PALM2AKAP2: variants seen among roughly 807,000 people sequenced by gnomAD.
PALM2AKAP2 encodes PALM2 and AKAP2 fusion.
Under a neutral mutation model 71.5 loss-of-function variants are expected in PALM2AKAP2, and 37 were observed. The observed-to-expected ratio is 0.52, with a 90% CI of 0.40 to 0.68. The LOEUF (loss-of-function observed/expected upper bound fraction) is 0.68, where lower values mean the gene tolerates loss of function less well. PALM2AKAP2 is among the 30% of genes least tolerant of loss of function. PALM2AKAP2 has a pLI of 0.00. For synonymous variants in PALM2AKAP2, 468 were observed against 478.8 expected, an observed-to-expected ratio of 0.98 and a Z score of 0.29; for missense variants, 1,224 against 1,191.8, an observed-to-expected ratio of 1.03 and a Z score of -0.40.
At chr9:110,163,310 A>G (rs1836649912) in intron 3 of PALM2AKAP2, among the ~76,000 whole-genome samples, 1 of 152,202 alleles carries the variant, frequency 6.6e-6, no homozygotes, top group East Asian at 1.9e-4. Context: ...ACAGCAGTCA[A>G]CAAAACAAGT....
chr9:109,959,008 T>A (rs1831800629), intron 6 of PALM2AKAP2, among the ~76,000 whole-genome samples: 1 of 152,198 alleles, frequency 6.6e-6, no homozygotes, highest in Non-Finnish European at 1.5e-5. Context: ...TTGCCTGCCA[T>A]CTTTGTGCCC....
At chr9:109,681,830 G>A (rs139117280) in intron 1 of PALM2AKAP2, among the ~76,000 whole-genome samples, 71 of 152,206 alleles carry the variant, frequency 4.7e-4, no homozygotes, top group African/African-American at 1.7e-3. Flanking sequence ...CCTCTGAGAA[G>A]ACCATTATGA....
At chr9:109,647,202 A>G (rs554151467) in intron 1 of PALM2AKAP2, among the ~76,000 whole-genome samples, 2 of 152,252 alleles carry the variant, frequency 1.3e-5, no homozygotes, top group African/African-American at 4.8e-5. Context: ...TTTCCACTTC[A>G]TATTATATTC....
At chr9:109,865,283 T>C (rs1052661307) in intron 1 of PALM2AKAP2, among the ~76,000 whole-genome samples, 1 of 151,818 alleles carries the variant, frequency 6.6e-6, no homozygotes, top group East Asian at 1.9e-4. Flanking sequence ...ATTTTTAGTA[T>C]AGATGGGGTT....
At chr9:109,761,595 C>A (rs4515617) in intron 1 of PALM2AKAP2, among the ~76,000 whole-genome samples, 129,875 of 152,172 alleles carry the variant, frequency 0.85, 55,840 homozygotes, top group African/African-American at 0.96. Context: ...TCATTGTTCA[C>A]CTCCCACTTA....
At chr9:110,074,741 G>T (rs146659187) in intron 1 of PALM2AKAP2, among the ~76,000 whole-genome samples, 3 of 152,114 alleles carry the variant, frequency 2.0e-5, no homozygotes, top group Non-Finnish European at 4.4e-5. Context: ...GGTGGTTCAC[G>T]CCCGTAATCC....
At chr9:109,784,993 G>A (rs1010396676) in intron 1 of PALM2AKAP2, among the ~76,000 whole-genome samples, 8 of 152,226 alleles carry the variant, frequency 5.3e-5, no homozygotes, top group African/African-American at 1.9e-4. Context: ...TGGGGAAGAA[G>A]CTGTTGTGTC....
At chr9:109,687,282 A>G (rs1352957524) in intron 1 of PALM2AKAP2, among the ~76,000 whole-genome samples, 1 of 152,140 alleles carries the variant, frequency 6.6e-6, no homozygotes, top group African/African-American at 2.4e-5. Context: ...TCATGCATTG[A>G]CTTCTCCTCT....
At chr9:110,011,115 C>A (rs1464061744) in intron 6 of PALM2AKAP2, among the ~76,000 whole-genome samples, 2 of 135,948 alleles carry the variant, frequency 1.5e-5, no homozygotes, top group South Asian at 2.3e-4. Flanking sequence ...CATATATATT[C>A]TCTGTCTAGA....
chr9:109,864,435 A>G (rs1297676158), intron 1 of PALM2AKAP2, among the ~76,000 whole-genome samples: 1 of 152,062 alleles, frequency 6.6e-6, no homozygotes, highest in Non-Finnish European at 1.5e-5. Flanking sequence ...TGTTTCTTCC[A>G]TTTGTCCTTC....
intron 1 of PALM2AKAP2, among the ~76,000 whole-genome samples, chr9:109,713,145 T>C (rs1828266126): frequency 1.3e-5 from 2 of 152,208 alleles, no homozygotes; most frequent in Admixed American, 1.3e-4. Flanking sequence ...CCAAATAATA[T>C]ATTTTAACCA....
chr9:110,140,978 G>T (rs1836013891), intron 2 of PALM2AKAP2, among the ~76,000 whole-genome samples: 1 of 152,134 alleles, frequency 6.6e-6, no homozygotes, highest in African/African-American at 2.4e-5. Context: ...GGGGGGGCGG[G>T]CACAAACATT....
chr9:109,772,239 C>T (rs1414505107), intron 1 of PALM2AKAP2, among the ~76,000 whole-genome samples: 1 of 152,208 alleles, frequency 6.6e-6, no homozygotes, highest in Non-Finnish European at 1.5e-5. Context: ...AGAGTCCTCA[C>T]AGAGCCTCTG....
intron 6 of PALM2AKAP2, among the ~76,000 whole-genome samples, chr9:109,948,380 A>G (rs1358003720): frequency 6.6e-6 from 1 of 152,220 alleles, no homozygotes; most frequent in Non-Finnish European, 1.5e-5. Flanking sequence ...GTATAATATA[A>G]GAAGGTCGGA....
At chr9:109,969,413 C>A (rs1399558982) in intron 6 of PALM2AKAP2, among the ~76,000 whole-genome samples, 2 of 152,228 alleles carry the variant, frequency 1.3e-5, no homozygotes, top group Non-Finnish European at 1.5e-5. Flanking sequence ...CAAAGGGTAG[C>A]AGTATCAGTC....
chr9:109,879,759 C>T (rs1246289240), intron 2 of PALM2AKAP2, among the ~76,000 whole-genome samples: 17 of 150,326 alleles, frequency 1.1e-4, no homozygotes, highest in African/African-American at 3.4e-4. Context: ...TGCAGTGGCA[C>T]GGTCACAGCT....
chr9:109,987,902 A>G (rs1396437169), intron 6 of PALM2AKAP2, among the ~76,000 whole-genome samples: 2 of 152,234 alleles, frequency 1.3e-5, no homozygotes, highest in African/African-American at 4.8e-5. Context: ...TCTTTTAACG[A>G]GCAAGAAAAT....
At chr9:109,824,662 T>C (rs1182991634) in intron 1 of PALM2AKAP2, among the ~76,000 whole-genome samples, 2 of 152,234 alleles carry the variant, frequency 1.3e-5, no homozygotes, top group African/African-American at 2.4e-5. Flanking sequence ...CAATCTCTGG[T>C]TGGTTTTTAG....
intron 1 of PALM2AKAP2, among the ~76,000 whole-genome samples, chr9:110,076,500 T>TAG (rs1834326738): frequency 7.0e-6 from 1 of 142,448 alleles, no homozygotes; most frequent in Admixed American, 6.9e-5. Flanking sequence ...TACATATATA[T>TAG]ATATATATAT....
Sources: allele counts gnomAD v4.1 joint callset (sites outside exome capture counted in the v4.1 genomes callset), GRCh38; gene constraint gnomAD v4.1.1; transcripts MANE v1.5; gene names NCBI Gene and HGNC (gene_info 2026-07-23, HGNC 2026-07-21).